BRI3BP: variants seen among roughly 807,000 people sequenced by gnomAD.
The protein encoded by BRI3BP is BRI3-binding protein.
Under a neutral mutation model 15.8 loss-of-function variants are expected in BRI3BP, and 7 were observed. The ratio of observed to expected loss-of-function variants is 0.44; its 90% CI spans 0.25 to 0.83. The LOEUF is 0.83. BRI3BP is among the 40% of genes least tolerant of loss of function. The pLI is 0.20. For synonymous variants in BRI3BP, 192 were observed against 163.5 expected (o/e 1.17, Z -1.33); for missense variants, 320 against 339.3 (o/e 0.94, Z 0.45).
intron 2 of BRI3BP, among the ~76,000 whole-genome samples, chr12:125,013,889 A>G (rs1955217577): frequency 6.6e-6 from 1 of 152,096 alleles, no homozygotes; most frequent in Admixed American, 6.5e-5. Flanking sequence ...CAAGGCAGCA[A>G]CGGTCATGGT....
intron 2 of BRI3BP, among the ~76,000 whole-genome samples, chr12:125,018,784 A>G (rs1301152295): frequency 6.7e-6 from 1 of 150,360 alleles, no homozygotes; most frequent in African/African-American, 2.5e-5. Context: ...AGTTCAAGCG[A>G]TTCTAGTACC....
At chr12:125,009,536 C>T (rs994486561) in intron 1 of BRI3BP, among the ~76,000 whole-genome samples, 1 of 151,944 alleles carries the variant, frequency 6.6e-6, no homozygotes, top group Non-Finnish European at 1.5e-5. Flanking sequence ...GTGATCTACT[C>T]GCCTCGGCTT....
intron 1 of BRI3BP, among the ~76,000 whole-genome samples, chr12:125,006,228 C>G (rs1444077961): frequency 6.6e-6 from 1 of 152,162 alleles, no homozygotes; most frequent in African/African-American, 2.4e-5. Flanking sequence ...GGACAGAGTT[C>G]AGCCCATATT....
At chr12:125,008,206 G>A (rs140306242) in intron 1 of BRI3BP, among the ~76,000 whole-genome samples, 1 of 151,942 alleles carries the variant, frequency 6.6e-6, no homozygotes, top group East Asian at 1.9e-4. Flanking sequence ...TCATGGGTGT[G>A]GTTCTGATTC....
rs200434479 is a variant in BRI3BP at position 124,996,126 on chromosome 12, C to G, written c.213+2123C>G. Among the ~76,000 whole-genome samples the G allele has an allele frequency of 2.0e-5, 3 of 152,258 alleles. No individual in the cohort carries two copies. The East Asian group carries it at 5.8e-4, about 29-fold the overall frequency. On this transcript the variant is annotated intron_variant, in intron 1 of 2. Transcript: ENST00000341446. ...AAGAGGTTTCACCATGTTGACCAGT[C>G]TGGTCTCAAACTCCTGACCTCAAGT... is the stretch of plus-strand genomic sequence containing the variant.
rs1285975000 is a variant in BRI3BP at position 125,026,740 on chromosome 12, T to G, written c.*1310T>G. 6.6e-6 allele frequency: 1 copy of G among 152,218 alleles called. No homozygotes were observed. The highest frequency in any genetic ancestry group is 2.1e-4 in the South Asian group (1 of 4,816). The allele number at this position is 152,218 out of a possible 1,614,324, so 9.4% of individuals were successfully genotyped here. On this transcript the variant is annotated 3_prime_UTR_variant, in exon 3 of 3. Coordinates refer to ENST00000341446, the MANE Select transcript of BRI3BP (RefSeq NM_080626.6). Reference sequence around the variant, plus strand: ...GCCGAGGAGTATGGATCACCTGAGGTCAGGAGTTCAAGACCAGCCTGGCCA... The same window carrying G: ...GCCGAGGAGTATGGATCACCTGAGGGCAGGAGTTCAAGACCAGCCTGGCCA...
chr12:125,047,346 C>G, the BRI3BP span, among the ~76,000 whole-genome samples: 423 of 152,180 alleles, frequency 2.8e-3, 3 homozygotes, highest in Non-Finnish European at 4.4e-3. Flanking sequence ...AAAATACTAA[C>G]TGTATTTTTA....
At chr12:125,014,897 G>A (rs1010897173) in intron 2 of BRI3BP, among the ~76,000 whole-genome samples, 1 of 152,180 alleles carries the variant, frequency 6.6e-6, no homozygotes, top group African/African-American at 2.4e-5. Context: ...CTCCCGAGTA[G>A]CTGGGACCAC....
downstream of BRI3BP, among the ~76,000 whole-genome samples, chr12:125,034,780 G>T (rs945453153): frequency 6.6e-6 from 1 of 152,070 alleles, no homozygotes. Flanking sequence ...AGTAGAGACG[G>T]GGTTTCACCA....
intron 1 of BRI3BP, among the ~76,000 whole-genome samples, chr12:125,006,425 G>C (rs1348959724): frequency 6.6e-6 from 1 of 152,186 alleles, no homozygotes; most frequent in East Asian, 1.9e-4. Context: ...GGGGACAGGT[G>C]CCGTTCTTTC....
At chr12:125,003,000 C>A (rs963048819) in intron 1 of BRI3BP, among the ~76,000 whole-genome samples, 2 of 152,138 alleles carry the variant, frequency 1.3e-5, no homozygotes, top group African/African-American at 4.8e-5. Context: ...TGCCCTTTCC[C>A]CTCTGTGGTT....
intron 2 of BRI3BP, among the ~76,000 whole-genome samples, chr12:125,014,560 C>T (rs777920313): frequency 3.9e-5 from 6 of 152,210 alleles, no homozygotes; most frequent in Non-Finnish European, 8.8e-5. Flanking sequence ...ACTTAATTCC[C>T]CCAGCAGAGG....
chr12:125,025,730 A>G lies in BRI3BP; in HGVS notation c.*300A>G. 3.6e-6 allele frequency: 1 copy of G among 281,196 alleles called. No homozygotes were observed. Among genetic ancestry groups the G allele is most frequent in the Non-Finnish European group, 6.6e-6 (1 of 152,240 alleles). The allele number at this position is 281,196 out of a possible 1,614,324, so 17.4% of individuals were successfully genotyped here. A position where few individuals can be genotyped will look rare whatever the true frequency, so the allele number is the denominator to read the frequency against. On this transcript the variant is annotated 3_prime_UTR_variant, in exon 3 of 3. Transcript: ENST00000341446. ...AGAGAAATTTATCTGTGCATAGAGC[A>G]TAAAGTTAATTTTTTCAAGCATTTA... is the stretch of plus-strand genomic sequence containing the variant.
At position 124,993,845 on chromosome 12, in the gene BRI3BP, C is replaced by T. The variant is rs766640419; in HGVS notation, c.55C>T (p.Leu19=). 1 of 1,195,542 alleles carries T rather than the reference C, an allele frequency of 8.4e-7. No homozygotes were observed. Among genetic ancestry groups the T allele is most frequent in the Non-Finnish European group, 1.0e-6 (1 of 961,172 alleles). The allele number at this position is 1,195,542 out of a possible 1,614,324, so 74.1% of individuals were successfully genotyped here. A position where few individuals can be genotyped will look rare whatever the true frequency, so the allele number is the denominator to read the frequency against. The stretch of plus-strand genomic sequence containing the variant: ...GGCCCGGGCCGGGCTCCTGCTGCTG[C>T]TGCTGCTGCTGCTGCTGCTCGGGCT... ...PLARAGLLLL[L]LLLLLLGLLA... Residue 19 remains leucine, a synonymous_variant, in exon 1 of 3, where the codon CTG becomes TTG. Coordinates refer to ENST00000341446, the MANE Select transcript of BRI3BP (RefSeq NM_080626.6).
intron 2 of BRI3BP, among the ~76,000 whole-genome samples, chr12:125,015,971 C>G (rs1044729111): frequency 5.9e-5 from 9 of 152,134 alleles, no homozygotes; most frequent in African/African-American, 1.9e-4. Flanking sequence ...TCGTCGCCAC[C>G]CATTGAACCC....
At position 125,025,555 on chromosome 12, in the gene BRI3BP, G is replaced by T; in HGVS notation, c.*125G>T. On this transcript the variant is annotated 3_prime_UTR_variant, in exon 3 of 3. Coordinates refer to ENST00000341446, the MANE Select transcript of BRI3BP (RefSeq NM_080626.6). The stretch of plus-strand genomic sequence containing the variant: ...CGACTGAGCAAGAAAGTGGCGCTGT[G>T]TAGGGCTATTTCCACCCACCCGGCA... The T allele has an allele frequency of 9.4e-7, 1 of 1,058,900 alleles. No homozygotes were observed. The highest frequency in any genetic ancestry group is 1.3e-6 in the Non-Finnish European group (1 of 758,392). The allele number at this position is 1,058,900 out of a possible 1,614,324, so 65.6% of individuals were successfully genotyped here. A position where few individuals can be genotyped will look rare whatever the true frequency, so the allele number is the denominator to read the frequency against.
At chr12:125,009,192 G>T (rs1955174149) in intron 1 of BRI3BP, among the ~76,000 whole-genome samples, 1 of 151,624 alleles carries the variant, frequency 6.6e-6, no homozygotes, top group Non-Finnish European at 1.5e-5. Flanking sequence ...TGTTAGTCAG[G>T]CTGGTCTCAA....
the BRI3BP span, among the ~76,000 whole-genome samples, chr12:125,046,707 C>T: frequency 6.0e-3 from 907 of 152,328 alleles, 12 homozygotes; most frequent in African/African-American, 0.021. Context: ...CTTATAGTAT[C>T]CTTTTCCTCC....
intron 1 of BRI3BP, among the ~76,000 whole-genome samples, chr12:125,010,446 T>C (rs1955187398): frequency 6.6e-6 from 1 of 152,102 alleles, no homozygotes; most frequent in African/African-American, 2.4e-5. Context: ...TTATCTCCTC[T>C]GTCCTGTAGG....
Sources: gnomAD v4.1 joint callset for allele counts (sites outside exome capture counted in the v4.1 genomes callset) on GRCh38, gnomAD v4.1.1 for gene constraint, MANE v1.5 for transcripts, NCBI Gene and HGNC (gene_info 2026-07-23, HGNC 2026-07-21) for gene names.